Variants in LCMT1 observed in about 807,000 individuals in gnomAD.
The protein encoded by LCMT1 is leucine carboxyl methyltransferase 1.
A neutral mutation model predicts 47.7 loss-of-function variants in LCMT1; 32 were observed. The ratio of observed to expected loss-of-function variants is 0.67; its 90% CI spans 0.51 to 0.90. The LOEUF is 0.90. Ranked by LOEUF, LCMT1 falls within the 40% of genes least tolerant of loss-of-function variation. The pLI is 0.00. For synonymous variants in LCMT1, 152 were observed against 149.7 expected (o/e 1.02, Z -0.11); for missense variants, 375 against 415.2 (o/e 0.90, Z 0.84).
At chr16:25,116,414 C>T (rs11649654) in intron 1 of LCMT1, among the ~76,000 whole-genome samples, 13,399 of 152,156 alleles carry the variant, frequency 0.088, 844 homozygotes, top group Non-Finnish European at 0.14. Flanking sequence ...GAGGTGGTCT[C>T]GTTTCATCTC....
At chr16:25,124,132 A>C (rs910723527) in intron 1 of LCMT1, among the ~76,000 whole-genome samples, 6 of 152,228 alleles carry the variant, frequency 3.9e-5, no homozygotes, top group Admixed American at 3.9e-4. Flanking sequence ...TCAAGAGTCC[A>C]TTTCCTTTCA....
At chr16:25,170,359 C>CT (rs1360906670) in intron 8 of LCMT1, among the ~76,000 whole-genome samples, 2 of 152,140 alleles carry the variant, frequency 1.3e-5, no homozygotes, top group African/African-American at 4.8e-5. Flanking sequence ...AACTTCCCCC[C>CT]ATTATAACAA....
At position 25,125,984 on chromosome 16, in the gene LCMT1, G is replaced by A. The variant is rs374409073; in HGVS notation, c.114-2491G>A. ...TTCAGAACTGCCATCAGCAGCGCCC[G>A]ACAGCACTCTCCTCCTCACTGCCCA... is the stretch of plus-strand genomic sequence containing the variant. On this transcript the variant is annotated intron_variant, in intron 1 of 10. Transcript: ENST00000399069. The A allele has an allele frequency of 2.1e-5, 27 of 1,313,964 alleles. No individual in the cohort carries two copies. In the East Asian group the frequency reaches 4.0e-4, roughly 20 times the overall value. 81.4% of individuals were successfully genotyped at this position (1,313,964 alleles called of 1,614,324 possible).
chr16:25,143,566 G>C (rs555099125), intron 4 of LCMT1: 1 of 152,256 alleles, frequency 6.6e-6, no homozygotes, highest in African/African-American at 2.4e-5. Flanking sequence ...GACCCGTCCA[G>C]TAAAAGTATC....
chr16:25,114,497 T>G (rs1183170327), intron 1 of LCMT1, among the ~76,000 whole-genome samples: 1 of 152,182 alleles, frequency 6.6e-6, no homozygotes, highest in East Asian at 1.9e-4. Context: ...TGAGCACTTT[T>G]CATGGTAGCC....
At position 25,178,020 on chromosome 16, in the gene LCMT1, T is replaced by C. The variant is rs777735795; in HGVS notation, c.1002T>C (p.Tyr334=). Residue 334 remains tyrosine (Y), a synonymous_variant, in exon 11 of 11, where the codon TAT becomes TAC. Transcript: ENST00000399069. ...CCTCAGGGCTGAAGGAGATAACTTA[T>C]TAATCTGTCGAAGGCTTATGCCGAG... ...GNELGLKEIT[Y] is the part of the protein sequence containing the mutation. 18 of 1,613,884 alleles carry C rather than the reference T, an allele frequency of 1.1e-5. No individual in the cohort carries two copies. Among genetic ancestry groups the C allele is most frequent in the South Asian group, 6.6e-5 (6 of 91,058 alleles).
chr16:25,123,897 C>T (rs1156505276), intron 1 of LCMT1, among the ~76,000 whole-genome samples: 5 of 152,188 alleles, frequency 3.3e-5, no homozygotes, highest in Admixed American at 2.0e-4. Context: ...GCGTGAGCCA[C>T]TACACCCGGC....
chr16:25,166,555 C>T lies in LCMT1; in HGVS notation c.690+1837C>T, dbSNP rs3785371. 2.4e-3 allele frequency among the ~76,000 whole-genome samples: 362 copies of T among 152,312 alleles called. 12 individuals are homozygous for T. In the East Asian group the frequency reaches 0.056, roughly 24 times the overall value. On this transcript the variant is annotated intron_variant, in intron 7 of 10. Transcript: ENST00000399069. ...AGCTGGGATCACAGGTGCACACCAC[C>T]ATGCCCAGCTAATTTTTAAATTTTT...
chr16:25,119,191 C>G (rs945860266), intron 1 of LCMT1, among the ~76,000 whole-genome samples: 5 of 152,106 alleles, frequency 3.3e-5, no homozygotes, highest in African/African-American at 1.2e-4. Context: ...TGGGGCAAGA[C>G]TGAGGGGCCC....
At position 25,168,062 on chromosome 16, in the gene LCMT1, T is replaced by A. The variant is rs149442666; in HGVS notation, c.691-1050T>A. Among the ~76,000 whole-genome samples the A allele has an allele frequency of 5.6e-3, 773 of 138,590 alleles. 6 individuals carry two copies. Among genetic ancestry groups the A allele is most frequent in the African/African-American group, 0.02 (731 of 36,528 alleles). The allele number at this position is 138,590 out of a possible 152,430, so 90.9% of individuals were successfully genotyped here. A position where few individuals can be genotyped will look rare whatever the true frequency, so the allele number is the denominator to read the frequency against. On this transcript the variant is annotated intron_variant, in intron 7 of 10. Transcript: ENST00000399069. ...GTGAGCTACCGCACCCAGCCTTTTT[T>A]TTTTGAGACAGAGTCTCGCTCTGTC...
intron 1 of LCMT1, among the ~76,000 whole-genome samples, chr16:25,118,738 C>T (rs1959877156): frequency 6.6e-6 from 1 of 152,046 alleles, no homozygotes; most frequent in Admixed American, 6.5e-5. Flanking sequence ...CAGAGAGAAG[C>T]AGGAGAGTAG....
chr16:25,154,219 G>A (rs534256680), intron 5 of LCMT1, among the ~76,000 whole-genome samples: 15 of 151,314 alleles, frequency 9.9e-5, no homozygotes, highest in African/African-American at 3.6e-4. Context: ...TCAGCATGTT[G>A]GTCAGGCTGG....
chr16:25,147,234 C>T (rs1454870794), intron 4 of LCMT1: 3 of 152,236 alleles, frequency 2.0e-5, no homozygotes, highest in African/African-American at 7.2e-5. Flanking sequence ...GAACTTGGAT[C>T]CTTGTCACTC....
chr16:25,155,710 G>C (rs956349076), intron 5 of LCMT1, among the ~76,000 whole-genome samples: 15 of 138,422 alleles, frequency 1.1e-4, no homozygotes, highest in African/African-American at 3.3e-4. Flanking sequence ...GTCTCACTCT[G>C]TTGTTGCTCA....
intron 1 of LCMT1, among the ~76,000 whole-genome samples, chr16:25,127,196 T>G (rs1960216273): frequency 1.3e-5 from 2 of 152,236 alleles, no homozygotes; most frequent in South Asian, 4.1e-4. Flanking sequence ...CTATATGTAA[T>G]GCATCCTATT....
At chr16:25,140,340 T>C in intron 4 of LCMT1, 93 bp downstream of exon 4, 1 of 991,530 alleles carries the variant, frequency 1.0e-6, no homozygotes, top group Non-Finnish European at 1.5e-6. Context: ...GACTTCACTT[T>C]AGGGTGTTGC....
intron 4 of LCMT1, among the ~76,000 whole-genome samples, chr16:25,149,910 C>CAA (rs34229848): frequency 0.032 from 1,869 of 58,986 alleles, 100 homozygotes; most frequent in African/African-American, 0.1. Flanking sequence ...AAGACTGTCT[C>CAA]AAAAAAAAAA....
chr16:25,136,696 C>T (rs987762990), intron 3 of LCMT1, among the ~76,000 whole-genome samples: 3 of 151,768 alleles, frequency 2.0e-5, no homozygotes, highest in Admixed American at 6.6e-5. Flanking sequence ...ATTACAGATG[C>T]GCACCACCGT....
chr16:25,125,356 C>T (rs1960133012), intron 1 of LCMT1, among the ~76,000 whole-genome samples: 1 of 152,106 alleles, frequency 6.6e-6, no homozygotes, highest in Non-Finnish European at 1.5e-5. Flanking sequence ...ATCTTTGTGC[C>T]CATACTTGAT....
Sources: allele counts gnomAD v4.1 joint callset (sites outside exome capture counted in the v4.1 genomes callset), GRCh38; gene constraint gnomAD v4.1.1; transcripts MANE v1.5; gene names NCBI Gene and HGNC (gene_info 2026-07-23, HGNC 2026-07-21).